SNX14: variants seen among roughly 807,000 people sequenced by gnomAD.
SNX14 encodes the protein sorting nexin 14.
In SNX14, 93 loss-of-function variants were observed where a neutral mutation model predicts 133.8. The ratio of observed to expected loss-of-function variants is 0.70; its 90% CI spans 0.59 to 0.83. SNX14 has a LOEUF of 0.83. SNX14 is among the 40% of genes least tolerant of loss of function. The probability of loss-of-function intolerance (pLI) is 0.00; values close to 1 mark genes in which losing one functional copy is unlikely to be tolerated. For missense variants in SNX14, 945 were observed against 1,094.9 expected, an observed-to-expected ratio of 0.86 and a Z score of 1.93; for synonymous variants, 368 against 365.6, an observed-to-expected ratio of 1.01 and a Z score of -0.07.
chr6:85,566,089 C>T (rs1158501260), intron 5 of SNX14, among the ~76,000 whole-genome samples: 1 of 152,186 alleles, frequency 6.6e-6, no homozygotes, highest in Admixed American at 6.5e-5. Flanking sequence ...CCACTGTTAA[C>T]CCTACAGAAG....
At chr6:85,564,136 G>A (rs896417210) in intron 6 of SNX14, among the ~76,000 whole-genome samples, 3 of 152,158 alleles carry the variant, frequency 2.0e-5, no homozygotes, top group Non-Finnish European at 4.4e-5. Context: ...ATTCCATGGT[G>A]TATTTGTGCC....
intron 26 of SNX14, among the ~76,000 whole-genome samples, chr6:85,509,334 G>A (rs1260863617): frequency 1.4e-5 from 2 of 147,530 alleles, no homozygotes; most frequent in Non-Finnish European, 3.0e-5. Context: ...TCAGAAAACA[G>A]GTAAAAAAAA....
chr6:85,514,523 T>C lies in SNX14; in HGVS notation c.2375A>G (p.Asp792Gly). 1.2e-6 allele frequency: 2 copies of C among 1,613,442 alleles called. No homozygotes were observed. Among genetic ancestry groups the C allele is most frequent in the Non-Finnish European group, 1.7e-6 (2 of 1,179,764 alleles). ...GATCTTACCTACATACATCAGGTAATCATAGACTCCTTCTACAGTCATCAC... is the reference window on the plus strand; with the variant it reads ...GATCTTACCTACATACATCAGGTAACCATAGACTCCTTCTACAGTCATCAC... ...MEVMTVEGVY[D>G]YLMYVGRVVF... Residue 792 changes from aspartate (D) to glycine (G), a missense_variant, in exon 24 of 29, where the codon GAT becomes GGT. Transcript: ENST00000314673.
intron 21 of SNX14, among the ~76,000 whole-genome samples, chr6:85,522,584 T>C (rs1777246777): frequency 6.6e-6 from 1 of 152,238 alleles, no homozygotes; most frequent in African/African-American, 2.4e-5. Flanking sequence ...ATAATGGTCA[T>C]GCATACACAT....
At chr6:85,558,106 T>C (rs747870924) in intron 6 of SNX14, 46 bp from the exon 7 acceptor site, 1 of 926,678 alleles carries the variant, frequency 1.1e-6, no homozygotes, top group East Asian at 2.4e-5. Context: ...TATCACTAAG[T>C]TACAATGGCA....
intron 21 of SNX14, among the ~76,000 whole-genome samples, chr6:85,525,129 C>A (rs911155607): frequency 6.6e-6 from 1 of 152,096 alleles, no homozygotes; most frequent in Non-Finnish European, 1.5e-5. Context: ...GAAACATGAT[C>A]TTCAGGAAAT....
chr6:85,507,203 T>G, intron 28 of SNX14, 30 bp downstream of exon 28: 11 of 1,568,238 alleles, frequency 7.0e-6, no homozygotes, highest in Non-Finnish European at 9.6e-6. Flanking sequence ...ATTAAGAAAA[T>G]CATGAATAAA....
chr6:85,507,146 G>A (rs1330725770), intron 28 of SNX14, 87 bp downstream of exon 28: 3 of 1,186,150 alleles, frequency 2.5e-6, no homozygotes, highest in East Asian at 2.4e-5. Flanking sequence ...CAGAGACAAG[G>A]GTTTTCTTAC....
chr6:85,537,869 G>A (rs1196529726), intron 16 of SNX14, among the ~76,000 whole-genome samples: 1 of 152,102 alleles, frequency 6.6e-6, no homozygotes, highest in Non-Finnish European at 1.5e-5. Context: ...GAATCACTTG[G>A]ACCCGCAAGA....
intron 21 of SNX14, 55 bp from the exon 22 acceptor site, chr6:85,518,103 C>A: frequency 7.2e-7 from 1 of 1,393,442 alleles, no homozygotes; most frequent in Non-Finnish European, 1.0e-6. Context: ...TTCATAATTG[C>A]TCACATGAAT....
chr6:85,581,986 CAAG>C (rs1230742965), intron 1 of SNX14: 1 of 151,984 alleles, frequency 6.6e-6, no homozygotes, highest in Admixed American at 6.6e-5. Flanking sequence ...TGTTCAAGTA[CAAG>C]AAGATTAGGA....
intron 26 of SNX14, among the ~76,000 whole-genome samples, chr6:85,508,786 A>G (rs536266339): frequency 4.6e-5 from 7 of 152,240 alleles, no homozygotes; most frequent in South Asian, 4.1e-4. Context: ...AGAAAAGTCA[A>G]TCCTTATTAA....
At chr6:85,584,065 A>G (rs146296918) in intron 1 of SNX14, among the ~76,000 whole-genome samples, 2,454 of 152,318 alleles carry the variant, frequency 0.016, 36 homozygotes, top group Non-Finnish European at 0.023. Context: ...AGACCAATGG[A>G]ACAGAACAGA....
At chr6:85,521,873 G>A (rs1178878705) in intron 21 of SNX14, among the ~76,000 whole-genome samples, 1 of 151,868 alleles carries the variant, frequency 6.6e-6, no homozygotes, top group Admixed American at 6.6e-5. Flanking sequence ...TATAATTTGG[G>A]GTCTTACATT....
chr6:85,519,783 C>T (rs1045485431), intron 21 of SNX14, among the ~76,000 whole-genome samples: 4 of 152,110 alleles, frequency 2.6e-5, no homozygotes, highest in African/African-American at 7.2e-5. Flanking sequence ...GCAGGAGAAT[C>T]GCTTGAACCC....
chr6:85,527,687 A>G (rs1778937577), intron 20 of SNX14, among the ~76,000 whole-genome samples: 1 of 152,150 alleles, frequency 6.6e-6, no homozygotes, highest in African/African-American at 2.4e-5. Flanking sequence ...TGATGACTGT[A>G]CCATGTATTT....
intron 1 of SNX14, among the ~76,000 whole-genome samples, chr6:85,576,809 G>A (rs1280141238): frequency 2.0e-5 from 3 of 152,156 alleles, no homozygotes; most frequent in Admixed American, 6.5e-5. Context: ...TGTGAGCTGA[G>A]TTTCTGTTAT....
intron 12 of SNX14, among the ~76,000 whole-genome samples, chr6:85,545,226 C>A (rs140459042): frequency 9.3e-4 from 141 of 152,140 alleles, no homozygotes; most frequent in African/African-American, 3.4e-3. Context: ...TCAAGAAAGG[C>A]AGCAAAGGAG....
chr6:85,515,800 T>C (rs1562197632), intron 23 of SNX14, among the ~76,000 whole-genome samples: 1 of 152,126 alleles, frequency 6.6e-6, no homozygotes, highest in Non-Finnish European at 1.5e-5. Flanking sequence ...TGATATTATA[T>C]AGTAAGTCTG....
Sources: allele counts gnomAD v4.1 joint callset (sites outside exome capture counted in the v4.1 genomes callset), GRCh38; gene constraint gnomAD v4.1.1; transcripts MANE v1.5; gene names NCBI Gene and HGNC (gene_info 2026-07-23, HGNC 2026-07-21).